Variants in DBX2 observed in about 807,000 individuals in gnomAD.
The protein encoded by DBX2 is developing brain homeobox 2.
Under a neutral mutation model 17.7 loss-of-function variants are expected in DBX2, and 16 were observed. The observed-to-expected ratio is 0.90, with a 90% confidence interval of 0.61 to 1.37. DBX2 has a LOEUF of 1.37. DBX2 is among the 40% of genes most tolerant of loss of function. The pLI is 0.00. For synonymous variants in DBX2, 255 were observed against 183.8 expected, an observed-to-expected ratio of 1.39 and a Z score of -3.13; for missense variants, 538 against 433.8, an observed-to-expected ratio of 1.24 and a Z score of -2.13.
Position 45,050,933 on chromosome 12 carries a change from G to A in DBX2, c.-6C>T, listed in dbSNP as rs1293885926. 3 of 1,448,164 alleles carry A rather than the reference G, an allele frequency of 2.1e-6. No homozygotes were observed. The highest frequency in any genetic ancestry group is 1.4e-5 in the South Asian group (1 of 69,154). The allele number at this position is 1,448,164 out of a possible 1,614,324, so 89.7% of individuals were successfully genotyped here. ...GCGACCGCGCTGGGGAGCATAGTGC[G>A]GCGCCAACCGGTCTGCTGCGCGCCC... is the stretch of plus-strand genomic sequence containing the variant. On this transcript the variant is annotated 5_prime_UTR_variant, in exon 1 of 4. Transcript: ENST00000332700.
intron 3 of DBX2, among the ~76,000 whole-genome samples, chr12:45,018,378 G>T (rs988798236): frequency 6.6e-5 from 10 of 152,212 alleles, no homozygotes; most frequent in African/African-American, 2.4e-4. Context: ...ACAATCAATG[G>T]TGTTGAGACA....
At position 45,027,893 on chromosome 12, in the gene DBX2, G is replaced by A. The variant is rs755860105; in HGVS notation, c.500-3999C>T. Among the ~76,000 whole-genome samples, 6 of 152,150 alleles carry A rather than the reference G, an allele frequency of 3.9e-5. No individual in the cohort carries two copies. In the South Asian group the frequency reaches 1.0e-3, roughly 26 times the overall value. ...ATCCATCCTTAAGGTGTTCATAGTC[G>A]ATAAGAAAAAGTCCAAGAATAATAC... On this transcript the variant is annotated intron_variant, in intron 2 of 3. Coordinates refer to ENST00000332700, the MANE Select transcript of DBX2 (RefSeq NM_001004329.3).
At position 45,016,623 on chromosome 12, in the gene DBX2, T is replaced by C. The variant is rs780180348; in HGVS notation, c.688-5A>G. 4 of 1,518,054 alleles carry C rather than the reference T, an allele frequency of 2.6e-6. No homozygotes were observed. In the African/African-American group the frequency reaches 5.6e-5, roughly 21 times the overall value. The allele number at this position is 1,518,054 out of a possible 1,614,324, so 94.0% of individuals were successfully genotyped here. ...GTTCTGAAACCAAATTTTCACCTAT[T>C]GACAAAATAATTGCACAAAATGATC... On this transcript the variant is annotated splice_region_variant and splice_polypyrimidine_tract_variant and intron_variant, in intron 3 of 3. Transcript: ENST00000332700.
intron 3 of DBX2, among the ~76,000 whole-genome samples, chr12:45,020,005 A>T (rs1946343363): frequency 2.0e-5 from 3 of 152,304 alleles, no homozygotes; most frequent in African/African-American, 7.2e-5. Flanking sequence ...ATTTACATAA[A>T]TTACTGAATA....
intron 2 of DBX2, among the ~76,000 whole-genome samples, chr12:45,029,351 T>C (rs745436105): frequency 4.6e-5 from 7 of 152,206 alleles, no homozygotes; most frequent in African/African-American, 1.4e-4. Context: ...CATTATGTCA[T>C]GTAATCTTTA....
chr12:45,022,298 G>GTTTCTT (rs1946356646), intron 3 of DBX2, among the ~76,000 whole-genome samples: 1 of 82,518 alleles, frequency 1.2e-5, no homozygotes, highest in African/African-American at 5.0e-5. Flanking sequence ...AATAATAACT[G>GTTTCTT]TTTTTTTTTT....
At chr12:45,022,298 G>GTTTTTTTTTTTT (rs745546411) in intron 3 of DBX2, among the ~76,000 whole-genome samples, 7 of 82,508 alleles carry the variant, frequency 8.5e-5, no homozygotes, top group Admixed American at 1.8e-4. Flanking sequence ...AATAATAACT[G>GTTTTTTTTTTTT]TTTTTTTTTT....
chr12:45,032,530 A>C (rs1946415888), intron 2 of DBX2, among the ~76,000 whole-genome samples: 1 of 152,220 alleles, frequency 6.6e-6, no homozygotes, highest in East Asian at 1.9e-4. Context: ...ATCAACATAC[A>C]TTCACAATTA....
intron 2 of DBX2, among the ~76,000 whole-genome samples, chr12:45,025,604 T>G (rs549661376): frequency 6.6e-6 from 1 of 151,136 alleles, no homozygotes; most frequent in African/African-American, 2.4e-5. Context: ...GCTCACCTTC[T>G]TATGGGAGGG....
chr12:45,024,378 A>G (rs1833216023), intron 2 of DBX2, among the ~76,000 whole-genome samples: 1 of 152,194 alleles, frequency 6.6e-6, no homozygotes, highest in African/African-American at 2.4e-5. Flanking sequence ...TGTCTTAATT[A>G]GCAGCATGAG....
At chr12:45,031,250 G>GAGAGAGAA (rs1946409515) in intron 2 of DBX2, among the ~76,000 whole-genome samples, 1 of 149,296 alleles carries the variant, frequency 6.7e-6, no homozygotes, top group Non-Finnish European at 1.5e-5. Context: ...GAGAGAGAGA[G>GAGAGAGAA]AGAGAGATGT....
intron 1 of DBX2, 150 bp downstream of exon 1, chr12:45,050,375 T>G (rs1388208214): frequency 4.6e-6 from 5 of 1,081,582 alleles, no homozygotes; most frequent in Non-Finnish European, 5.1e-6. Flanking sequence ...ACTCCCGAAG[T>G]GGCATCTCCA....
intron 2 of DBX2, among the ~76,000 whole-genome samples, chr12:45,027,577 G>A (rs1250035265): frequency 6.6e-6 from 1 of 152,032 alleles, no homozygotes; most frequent in Non-Finnish European, 1.5e-5. Context: ...ATGAAGATTA[G>A]GCAGCAGCAA....
rs2137015665 is a variant in DBX2 at position 45,015,334 on chromosome 12, C to T, written c.*952G>A. On this transcript the variant is annotated 3_prime_UTR_variant, in exon 4 of 4. Coordinates refer to ENST00000332700, the MANE Select transcript of DBX2 (RefSeq NM_001004329.3). ...TCTGTTAGTATTGTGGTTTTAAGTC[C>T]AGTTAGAAAAATTTTAAGAACTGTG... is the stretch of plus-strand genomic sequence containing the variant. 1 of 152,284 alleles carries T rather than the reference C, an allele frequency of 6.6e-6. No individual in the cohort carries two copies. The highest frequency in any genetic ancestry group is 3.4e-3 in the Middle Eastern group (1 of 294). 9.4% of individuals were successfully genotyped at this position (152,284 alleles called of 1,614,324 possible).
At chr12:45,041,727 G>A (rs1255464247) in intron 1 of DBX2, among the ~76,000 whole-genome samples, 1 of 152,090 alleles carries the variant, frequency 6.6e-6, no homozygotes, top group Non-Finnish European at 1.5e-5. Flanking sequence ...TTCAATTTAG[G>A]GCAAATAGTA....
intron 3 of DBX2, among the ~76,000 whole-genome samples, chr12:45,020,841 G>A (rs1946348228): frequency 6.6e-6 from 1 of 151,908 alleles, no homozygotes; most frequent in African/African-American, 2.4e-5. Context: ...ATATGTTCAT[G>A]CATATACAAC....
chr12:45,037,549 T>A (rs949778330), intron 1 of DBX2, among the ~76,000 whole-genome samples: 7 of 152,072 alleles, frequency 4.6e-5, no homozygotes, highest in Admixed American at 3.9e-4. Context: ...AAATAAATAT[T>A]TTTATTATTA....
intron 2 of DBX2, among the ~76,000 whole-genome samples, chr12:45,030,632 C>A (rs1017159141): frequency 6.6e-6 from 1 of 152,150 alleles, no homozygotes; most frequent in African/African-American, 2.4e-5. Context: ...TAGGCCAAGG[C>A]GTGCTATATA....
chr12:45,050,914 G>C lies in DBX2; in HGVS notation c.14C>G (p.Ala5Gly), dbSNP rs1369518833. MLPS[A>G]VAAHAGAYWD... Reference sequence around the variant, plus strand: ...GTACGCACCGGCGTGGGCTGCGACCGCGCTGGGGAGCATAGTGCGGCGCCA... The same window carrying C: ...GTACGCACCGGCGTGGGCTGCGACCCCGCTGGGGAGCATAGTGCGGCGCCA... Residue 5 changes from alanine (A) to glycine (G), a missense_variant, in exon 1 of 4, where the codon GCG becomes GGG. Physicochemically the swap from Ala to Gly is moderately conservative, Grantham distance 60. Transcript: ENST00000332700. The C allele has an allele frequency of 4.0e-6, 6 of 1,497,402 alleles. No homozygotes were observed. In the African/African-American group the frequency reaches 8.7e-5, roughly 22 times the overall value. The allele number at this position is 1,497,402 out of a possible 1,614,324, so 92.8% of individuals were successfully genotyped here.
Sources: allele counts gnomAD v4.1 joint callset (sites outside exome capture counted in the v4.1 genomes callset), GRCh38; gene constraint gnomAD v4.1.1; transcripts MANE v1.5; gene names NCBI Gene and HGNC (gene_info 2026-07-23, HGNC 2026-07-21).